The following ALK variants were observed in gnomAD, a reference collection of about 807,000 sequenced individuals.
ALK encodes the protein ALK receptor tyrosine kinase.
In ALK, 74 loss-of-function variants were observed where a neutral mutation model predicts 163.1. The observed-to-expected ratio is 0.45, with a 90% CI of 0.38 to 0.55. ALK has a LOEUF of 0.55. ALK is among the 20% of genes least tolerant of loss of function. ALK has a pLI of 0.00. For missense variants in ALK, 2,063 were observed against 2,105.3 expected (o/e 0.98, Z 0.39); for synonymous variants, 960 against 843.2 (o/e 1.14, Z -2.40).
At chr2:29,593,985 A>G (rs1675133031) in intron 3 of ALK, among the ~76,000 whole-genome samples, 1 of 152,188 alleles carries the variant, frequency 6.6e-6, no homozygotes, top group African/African-American at 2.4e-5. Context: ...TTTGTACTCC[A>G]TGGGACATTT....
At chr2:29,507,520 G>C (rs1558356776) in intron 4 of ALK, among the ~76,000 whole-genome samples, 2 of 152,166 alleles carry the variant, frequency 1.3e-5, no homozygotes, top group Non-Finnish European at 1.5e-5. Context: ...AGATGATTAA[G>C]ATGGTAAATT....
rs546312995 is a variant in ALK at position 29,213,333 on chromosome 2, A to G, written c.3743+651T>C. ...TTGTAATAGAAGAAACTAAGTATAG[A>G]AGCAATGAAAATCATCTTTATGCTT... is the stretch of plus-strand genomic sequence containing the variant. On this transcript the variant is annotated intron_variant, in intron 24 of 28. Transcript: ENST00000389048. Among the ~76,000 whole-genome samples, 91 of 152,392 alleles carry G rather than the reference A, an allele frequency of 6.0e-4. 1 individual carries two copies. Among genetic ancestry groups the G allele is most frequent in the Middle Eastern group, 6.8e-3 (2 of 294 alleles).
chr2:29,759,183 T>C (rs1478430277), intron 1 of ALK, among the ~76,000 whole-genome samples: 3 of 152,226 alleles, frequency 2.0e-5, no homozygotes, highest in Non-Finnish European at 4.4e-5. Context: ...AAGACCTTTT[T>C]CTTCATTATT....
chr2:29,741,385 T>C (rs1680053981), intron 1 of ALK, among the ~76,000 whole-genome samples: 1 of 152,208 alleles, frequency 6.6e-6, no homozygotes. Flanking sequence ...GGTGTGAATG[T>C]TGACAGTGGG....
At chr2:29,268,414 C>T (rs1184143271) in intron 11 of ALK, among the ~76,000 whole-genome samples, 1 of 152,188 alleles carries the variant, frequency 6.6e-6, no homozygotes, top group Non-Finnish European at 1.5e-5. Flanking sequence ...CTCTCTTGTG[C>T]TGGGATAGTA....
chr2:29,727,610 C>T (rs1287653940), intron 1 of ALK, among the ~76,000 whole-genome samples: 2 of 152,216 alleles, frequency 1.3e-5, no homozygotes, highest in African/African-American at 2.4e-5. Flanking sequence ...AGCCCTCAGG[C>T]TCTTTTGAAG....
intron 9 of ALK, among the ~76,000 whole-genome samples, chr2:29,278,231 G>C (rs1264515412): frequency 1.3e-5 from 2 of 152,198 alleles, no homozygotes; most frequent in Non-Finnish European, 2.9e-5. Context: ...GCAGGGATAG[G>C]ACCTGTCCTG....
chr2:29,352,361 C>A (rs1668139640), intron 5 of ALK, among the ~76,000 whole-genome samples: 1 of 152,230 alleles, frequency 6.6e-6, no homozygotes, highest in Non-Finnish European at 1.5e-5. Flanking sequence ...CTTGCCGGAG[C>A]CAAGCAGGCT....
At chr2:29,778,186 A>G (rs970736859) in intron 1 of ALK, among the ~76,000 whole-genome samples, 1 of 152,226 alleles carries the variant, frequency 6.6e-6, no homozygotes, top group Non-Finnish European at 1.5e-5. Flanking sequence ...CACAGGAAAC[A>G]CAAAGGCATT....
intron 8 of ALK, among the ~76,000 whole-genome samples, chr2:29,305,086 T>A (rs1269552212): frequency 6.6e-6 from 1 of 152,216 alleles, no homozygotes. Context: ...GGTTACTTAG[T>A]GCAGGAAGTG....
At chr2:29,842,299 A>G (rs568479256) in intron 1 of ALK, among the ~76,000 whole-genome samples, 8 of 152,294 alleles carry the variant, frequency 5.3e-5, no homozygotes, top group African/African-American at 1.7e-4. Context: ...TATTTGTTTG[A>G]GTGACTTCAA....
intron 9 of ALK, among the ~76,000 whole-genome samples, chr2:29,296,301 A>C (rs999780687): frequency 1.3e-5 from 2 of 152,128 alleles, no homozygotes; most frequent in African/African-American, 4.8e-5. Context: ...CTCTTTATCA[A>C]CCTGCCTCAG....
intron 2 of ALK, among the ~76,000 whole-genome samples, chr2:29,696,530 T>TAAAAAAAAAAA (rs60320646): frequency 9.6e-6 from 1 of 103,850 alleles, no homozygotes; most frequent in African/African-American, 3.6e-5. Context: ...CTTAAAGGAT[T>TAAAAAAAAAAA]AAAAAAAAAA....
intron 26 of ALK, among the ~76,000 whole-genome samples, chr2:29,200,714 T>C (rs1312420065): frequency 6.7e-6 from 1 of 148,436 alleles, no homozygotes; most frequent in Non-Finnish European, 1.5e-5. Context: ...AAATCAAATA[T>C]ACATACGTAT....
chr2:29,615,691 G>T (rs764476730), intron 3 of ALK, among the ~76,000 whole-genome samples: 6 of 152,136 alleles, frequency 3.9e-5, no homozygotes, highest in Non-Finnish European at 7.4e-5. Flanking sequence ...ATTCATCTTT[G>T]CACTTTTCTT....
At chr2:29,802,313 G>GGA (rs1664487299) in intron 1 of ALK, among the ~76,000 whole-genome samples, 1 of 99,328 alleles carries the variant, frequency 1.0e-5, no homozygotes, top group South Asian at 4.5e-4. Flanking sequence ...GGAGGGAAGG[G>GGA]GATGGGAGGG....
chr2:29,214,472 AGTTT>A (rs1276601786), intron 23 of ALK, among the ~76,000 whole-genome samples: 1 of 152,216 alleles, frequency 6.6e-6, no homozygotes. Flanking sequence ...TTTATAAACA[AGTTT>A]GTGAGGAAAC....
chr2:29,709,655 A>G (rs1679015347), intron 2 of ALK, among the ~76,000 whole-genome samples: 1 of 152,172 alleles, frequency 6.6e-6, no homozygotes, highest in South Asian at 2.1e-4. Flanking sequence ...CTCCATGAGA[A>G]TATGGGGATA....
Position 29,920,600 on chromosome 2 carries a change from G to T in ALK, c.60C>A (p.Gly20=). ...CGCGCTGGCCGGTCCCCATCCCGGA[G>T]CCCACAGCTGCCGTGGAAAGCAGCA... ...LPLLLSTAAV[G]SGMGTGQRAG... is the part of the protein sequence containing the mutation. The change falls in exon 1 of 29, where the codon GGC becomes GGA. Residue 20 remains glycine, a synonymous_variant. Transcript: ENST00000389048. The T allele has an allele frequency of 6.4e-7, 1 of 1,557,884 alleles. No homozygotes were observed. The highest frequency in any genetic ancestry group is 8.6e-7 in the Non-Finnish European group (1 of 1,158,206).
Sources: allele counts gnomAD v4.1 joint callset (sites outside exome capture counted in the v4.1 genomes callset), GRCh38; gene constraint gnomAD v4.1.1; transcripts MANE v1.5; gene names NCBI Gene and HGNC (gene_info 2026-07-23, HGNC 2026-07-21).